SLC46A1: variants seen among roughly 807,000 people sequenced by gnomAD.
SLC46A1 encodes the protein proton-coupled folate transporter.
A neutral mutation model predicts 32.1 loss-of-function variants in SLC46A1; 17 were observed. That is an observed-to-expected ratio of 0.53 (90% CI 0.36 to 0.79). The LOEUF is 0.79. SLC46A1 is among the 30% of genes least tolerant of loss of function. The pLI is 0.00. For synonymous variants in SLC46A1, 240 were observed against 262.7 expected (o/e 0.91, Z 0.84); for missense variants, 517 against 588.2 (o/e 0.88, Z 1.25).
At chr17:28,402,627 C>T in intron 2 of SLC46A1, 1 of 255,628 alleles carries the variant, frequency 3.9e-6, no homozygotes, top group South Asian at 6.3e-5. Context: ...TATGGCAGGG[C>T]ACAGAAAACA....
Position 28,400,636 on chromosome 17 carries a change from G to C in SLC46A1, c.1296C>G (p.Leu432=). Reference sequence around the variant, plus strand: ...CAATCAGAACAGCCGGGATGAGCAGGAGGCCAGCTCCCAGGAGGAAGGGGA... The same window carrying C: ...CAATCAGAACAGCCGGGATGAGCAGCAGGCCAGCTCCCAGGAGGAAGGGGA... The part of the protein sequence containing the change: ...KGFPFLLGAG[L]LLIPAVLIGM... Residue 432 remains leucine (L), a synonymous_variant, in exon 4 of 5, where the codon CTC becomes CTG. Coordinates refer to ENST00000612814, the MANE Select transcript of SLC46A1 (RefSeq NM_080669.6). 1 of 1,613,800 alleles carries C rather than the reference G, an allele frequency of 6.2e-7. No individual in the cohort carries two copies. Among genetic ancestry groups the C allele is most frequent in the Non-Finnish European group, 8.5e-7 (1 of 1,179,818 alleles).
upstream of SLC46A1, chr17:28,406,527 T>C (rs1555591485): frequency 5.8e-6 from 1 of 171,194 alleles, no homozygotes; most frequent in African/African-American, 2.4e-5. This position sits in a 1 kb window ranked among gnomAD's most constrained non-coding sequence, Gnocchi z 4.5. Flanking sequence ...CTAGCCAATA[T>C]TAACCATCGC....
chr17:28,404,540 G>A, intron 2 of SLC46A1, 76 bp downstream of exon 2: 1 of 1,559,124 alleles, frequency 6.4e-7, no homozygotes, highest in African/African-American at 1.4e-5. Flanking sequence ...ACCACATCTG[G>A]GGGCAGTGAG....
upstream of SLC46A1, chr17:28,406,476 T>C (rs893786378): frequency 4.3e-6 from 1 of 232,876 alleles, no homozygotes; most frequent in African/African-American, 2.3e-5. The surrounding 1 kb of genome is among the most constrained non-coding windows in gnomAD (Gnocchi z 4.5). Context: ...GGCACGGTAT[T>C]AAACCCTTTT....
Position 28,395,930 on chromosome 17 carries a change from G to A in SLC46A1, c.*3726C>T, listed in dbSNP as rs782196355. On this transcript the variant is annotated 3_prime_UTR_variant, in exon 5 of 5. Transcript: ENST00000612814. ...GAGATTGTGACTGCTTTAAGCTGCG[G>A]CAAGAACATTGTGCCCATCATTGAT... is the stretch of plus-strand genomic sequence containing the variant. The A allele has an allele frequency of 1.9e-6, 3 of 1,613,930 alleles. No homozygotes were observed. Among genetic ancestry groups the A allele is most frequent in the Non-Finnish European group, 2.5e-6 (3 of 1,179,878 alleles).
chr17:28,402,363 A>T, intron 2 of SLC46A1, 42 bp from the exon 3 acceptor site: 2 of 1,559,722 alleles, frequency 1.3e-6, no homozygotes, highest in South Asian at 2.3e-5. Flanking sequence ...GGGGCTGGGG[A>T]GAGGGGCGTC....
rs2068127946 is a variant in SLC46A1 at position 28,396,658 on chromosome 17, C to G, written c.*2998G>C. ...CTTGAGGAGGATGACGGAAGGCAGC[C>G]TCAGACAGGAATTAAGGCAATGCCC... On this transcript the variant is annotated 3_prime_UTR_variant, in exon 5 of 5. Transcript: ENST00000612814. The G allele has an allele frequency of 8.7e-6, 2 of 230,116 alleles. No homozygotes were observed. Among genetic ancestry groups the G allele is most frequent in the Admixed American group, 5.2e-5 (1 of 19,350 alleles). 14.3% of individuals were successfully genotyped at this position (230,116 alleles called of 1,614,324 possible).
Position 28,400,872 on chromosome 17 carries a change from T to C in SLC46A1, c.1166-106A>G. On this transcript the variant is annotated intron_variant, in intron 3 of 4. Transcript: ENST00000612814. ...ACCGGGAGTAGTCACTTAACCTATG[T>C]CTCCCCTTCCTCACCAGTAAATCCT... 3 of 993,868 alleles carry C rather than the reference T, an allele frequency of 3.0e-6. No homozygotes were observed. The South Asian group carries it at 4.2e-5, about 14-fold the overall frequency. 61.6% of individuals were successfully genotyped at this position (993,868 alleles called of 1,614,324 possible). A position where few individuals can be genotyped will look rare whatever the true frequency, so the allele number is the denominator to read the frequency against.
Position 28,402,334 on chromosome 17 carries a change from A to G in SLC46A1, c.1082-13T>C, listed in dbSNP as rs1555589792. On this transcript the variant is annotated splice_polypyrimidine_tract_variant and intron_variant, in intron 2 of 4. Coordinates refer to ENST00000612814, the MANE Select transcript of SLC46A1 (RefSeq NM_080669.6). ...AGCAACCCATATCCTGTGGAGAAAC[A>G]AACACTCATCAGGAAAATGGGGCTG... 6 of 1,610,618 alleles carry G rather than the reference A, an allele frequency of 3.7e-6. No homozygotes were observed. Among genetic ancestry groups the G allele is most frequent in the Non-Finnish European group, 5.1e-6 (6 of 1,178,046 alleles).
chr17:28,404,322 T>G (rs2068229047), intron 2 of SLC46A1: 1 of 447,012 alleles, frequency 2.2e-6, no homozygotes, highest in Non-Finnish European at 4.1e-6. Context: ...GGCCAAGGGG[T>G]AAAGCAATTA....
intron 4 of SLC46A1, chr17:28,399,976 C>A: frequency 2.2e-6 from 1 of 458,982 alleles, no homozygotes; most frequent in Non-Finnish European, 4.0e-6. Context: ...TCACTGTACC[C>A]TTGAACTCCT....
chr17:28,399,739 G>A (rs2068173695), intron 4 of SLC46A1, 26 bp from the exon 5 acceptor site: 1 of 1,613,562 alleles, frequency 6.2e-7, no homozygotes, highest in African/African-American at 1.3e-5. Context: ...GAGAGAGTTT[G>A]GATTTCATGT....
chr17:28,396,035 C>G lies in SLC46A1; in HGVS notation c.*3621G>C. The stretch of plus-strand genomic sequence containing the variant: ...ACTTTCAACGGTATCAAGTGAGCCC[C>G]AGGGCCCTGGGACCAGGGGGGTAGG... On this transcript the variant is annotated 3_prime_UTR_variant, in exon 5 of 5. Transcript: ENST00000612814. 1 of 1,613,892 alleles carries G rather than the reference C, an allele frequency of 6.2e-7. No homozygotes were observed. The highest frequency in any genetic ancestry group is 8.5e-7 in the Non-Finnish European group (1 of 1,179,856).
At position 28,394,773 on chromosome 17, in the gene SLC46A1, A is replaced by C. The variant is rs1245199628; in HGVS notation, c.*4883T>G. 3 of 152,352 alleles carry C rather than the reference A, an allele frequency of 2.0e-5. No homozygotes were observed. The allele number at this position is 152,352 out of a possible 1,614,324, so 9.4% of individuals were successfully genotyped here. A position where few individuals can be genotyped will look rare whatever the true frequency, so the allele number is the denominator to read the frequency against. ...CCCAGTAAGCATTGACTCCAAAGGCATGGGGTGAGCATTCCAAACTGGAGA... is the reference window on the plus strand; with the variant it reads ...CCCAGTAAGCATTGACTCCAAAGGCCTGGGGTGAGCATTCCAAACTGGAGA... On this transcript the variant is annotated 3_prime_UTR_variant, in exon 5 of 5. Transcript: ENST00000612814.
intron 3 of SLC46A1, chr17:28,401,393 GA>G (rs1441413636): frequency 1.3e-5 from 2 of 157,928 alleles, no homozygotes; most frequent in East Asian, 3.6e-4. Flanking sequence ...AAGTTTAGGT[GA>G]ATGAATGAAG....
At chr17:28,405,724 T>G in intron 1 of SLC46A1, 163 bp downstream of exon 1, 1 of 983,534 alleles carries the variant, frequency 1.0e-6, no homozygotes, top group Non-Finnish European at 1.5e-6. Flanking sequence ...TCCCACCCGC[T>G]GAGGTTCTCG....
intron 3 of SLC46A1, 89 bp from the exon 4 acceptor site, chr17:28,400,855 T>C: frequency 8.2e-7 from 1 of 1,216,442 alleles, no homozygotes; most frequent in Non-Finnish European, 1.2e-6. Context: ...TGACCGGGAG[T>C]AGTCACTTAA....
In SLC46A1 at chr17:28,405,940, C is replaced by T; in HGVS notation, c.175G>A (p.Gly59Ser). 6.2e-7 allele frequency: 1 copy of T among 1,610,780 alleles called. No homozygotes were observed. Among genetic ancestry groups the T allele is most frequent in the Non-Finnish European group, 8.5e-7 (1 of 1,179,092 alleles). ...HRFSADLGYN[G>S]TRQRGGCSNR... ...CTGCAGCCCCCCCTTTGGCGGGTGC[C>T]ATTGTAGCCGAGGTCGGCGCTGAAG... The change falls in exon 1 of 5, where the codon GGC (glycine) becomes AGC (serine). Residue 59 changes from glycine to serine, a missense_variant. By Grantham distance (56) the Gly-to-Ser change is moderately conservative. Transcript: ENST00000612814.
intron 2 of SLC46A1, chr17:28,403,097 G>A (rs1413006575): frequency 2.0e-5 from 3 of 152,332 alleles, no homozygotes; most frequent in Non-Finnish European, 2.9e-5. Context: ...GAAGAAATGA[G>A]AAACACGTTC....
Sources: gnomAD v4.1 joint callset for allele counts on GRCh38, gnomAD v4.1.1 for gene constraint, Gnocchi (gnomAD v3.1) non-coding constraint, MANE v1.5 for transcripts, NCBI Gene and HGNC (gene_info 2026-07-23, HGNC 2026-07-21) for gene names.